Variants in NCALD observed in about 807,000 individuals in gnomAD.
NCALD encodes the protein neurocalcin delta.
In NCALD, 10 loss-of-function variants were observed where a neutral mutation model predicts 18.6. The observed-to-expected ratio is 0.54, with a 90% CI of 0.33 to 0.91. The LOEUF (loss-of-function observed/expected upper bound fraction) is 0.91. Ranked by LOEUF, NCALD falls within the 40% of genes least tolerant of loss-of-function variation. NCALD has a pLI of 0.03. For missense variants in NCALD, 184 were observed against 247.6 expected (o/e 0.74, Z 1.72); for synonymous variants, 88 against 87.4 (o/e 1.01, Z -0.04).
intron 1 of NCALD, among the ~76,000 whole-genome samples, chr8:102,043,083 G>A (rs546044878): frequency 6.6e-6 from 1 of 151,964 alleles, no homozygotes; most frequent in South Asian, 2.1e-4. Context: ...CTGCTCTGTC[G>A]ATGCATTAAG....
chr8:101,696,196 CCACTCACTCAGT>C (rs1333123878), intron 2 of NCALD, among the ~76,000 whole-genome samples: 1 of 152,190 alleles, frequency 6.6e-6, no homozygotes, highest in Non-Finnish European at 1.5e-5. Context: ...CTTCATCCAT[CCACTCACTCAGT>C]CATTCATCAA....
intron 2 of NCALD, among the ~76,000 whole-genome samples, chr8:101,969,838 C>A (rs754796098): frequency 5.3e-5 from 8 of 152,220 alleles, no homozygotes; most frequent in Non-Finnish European, 1.2e-4. Context: ...TACTTTACAA[C>A]TTTCAGCCTT....
chr8:101,852,617 T>C (rs1445653082), intron 4 of NCALD: 1 of 152,184 alleles, frequency 6.6e-6, no homozygotes, highest in Non-Finnish European at 1.5e-5. Context: ...GACTAAGAAA[T>C]GCATTTTGCA....
intron 2 of NCALD, among the ~76,000 whole-genome samples, chr8:101,957,446 T>G (rs1237436487): frequency 6.6e-6 from 1 of 151,896 alleles, no homozygotes; most frequent in Non-Finnish European, 1.5e-5. Context: ...TAACATGAAC[T>G]TAGCATCCTG....
intron 1 of NCALD, among the ~76,000 whole-genome samples, chr8:102,064,144 T>C (rs997388294): frequency 1.3e-5 from 2 of 152,204 alleles, no homozygotes; most frequent in African/African-American, 4.8e-5. Flanking sequence ...GCAACTGTGT[T>C]TGCCTTCAGG....
chr8:101,851,052 G>A (rs943168111), intron 4 of NCALD, among the ~76,000 whole-genome samples: 3 of 152,242 alleles, frequency 2.0e-5, no homozygotes, highest in Middle Eastern at 3.4e-3. Context: ...CCTTATCAAT[G>A]TTTCAACATG....
At chr8:101,715,409 A>G (rs1156475855) in intron 2 of NCALD, among the ~76,000 whole-genome samples, 3 of 152,222 alleles carry the variant, frequency 2.0e-5, no homozygotes, top group Admixed American at 6.5e-5. Context: ...CATTCAGGAC[A>G]TAGGCATGGG....
Position 102,024,899 on chromosome 8 carries a change from C to G in NCALD, c.-209-4610G>C, listed in dbSNP as rs569567068. 1.1e-4 allele frequency among the ~76,000 whole-genome samples: 17 copies of G among 152,324 alleles called. 1 individual carries two copies. The South Asian group carries it at 3.5e-3, about 32-fold the overall frequency. ...TCAACACAATGTCCTCCCTCACACC[C>G]CATATTCCAGCCTTGTCAAGTTGCT... is the stretch of plus-strand genomic sequence containing the variant. On this transcript the variant is annotated intron_variant, in intron 1 of 6. Transcript: ENST00000311028.
intron 3 of NCALD, among the ~76,000 whole-genome samples, chr8:101,905,484 T>C (rs375265072): frequency 6.6e-6 from 1 of 152,196 alleles, no homozygotes. Context: ...TTCTCTCAGA[T>C]ATGTCTTTCC....
At chr8:101,989,114 G>T (rs543457312) in intron 2 of NCALD, among the ~76,000 whole-genome samples, 1 of 152,200 alleles carries the variant, frequency 6.6e-6, no homozygotes, top group South Asian at 2.1e-4. Context: ...TGCTCTACTG[G>T]GACTGAACCT....
rs1586198374 is a variant in NCALD at position 101,686,962 on chromosome 8, AAGG to A, written c.*2344_*2346del. 1 of 152,444 alleles carries A rather than the reference AAGG, an allele frequency of 6.6e-6. No homozygotes were observed. Among genetic ancestry groups the A allele is most frequent in the African/African-American group, 2.4e-5 (1 of 41,358 alleles). 9.4% of individuals were successfully genotyped at this position (152,444 alleles called of 1,614,324 possible). ...TTCGACATACAAAGACCTTCCTGGGAAGGAGAAGGAGAAAAACAACCTCCGAGA... is the reference window on the plus strand; with the variant it reads ...TTCGACATACAAAGACCTTCCTGGGAAGAAGGAGAAAAACAACCTCCGAGA... On this transcript the variant is annotated 3_prime_UTR_variant, in exon 4 of 4. Coordinates refer to ENST00000220931, the MANE Select transcript of NCALD (RefSeq NM_032041.3).
chr8:101,917,181 A>T (rs1348393981), intron 2 of NCALD, among the ~76,000 whole-genome samples: 2 of 152,108 alleles, frequency 1.3e-5, no homozygotes, highest in African/African-American at 4.8e-5. Context: ...AATAGAAATA[A>T]ACTCCAAGAT....
At chr8:102,060,227 C>T (rs1352699961) in intron 1 of NCALD, among the ~76,000 whole-genome samples, 4 of 151,832 alleles carry the variant, frequency 2.6e-5, no homozygotes, top group Non-Finnish European at 5.9e-5. Context: ...GTGATCTGCC[C>T]GCCTTGGCCT....
chr8:102,056,400 G>C (rs1443889985), intron 1 of NCALD, among the ~76,000 whole-genome samples: 4 of 152,176 alleles, frequency 2.6e-5, no homozygotes, highest in African/African-American at 9.7e-5. Flanking sequence ...CTGCAAAATG[G>C]CGATAATATA....
chr8:101,852,843 T>C (rs1291218719), intron 4 of NCALD, among the ~76,000 whole-genome samples: 2 of 152,168 alleles, frequency 1.3e-5, no homozygotes, highest in Admixed American at 1.3e-4. Flanking sequence ...CCTAATGATG[T>C]TTGGTATTCC....
chr8:101,791,219 G>A (rs563212895), upstream of NCALD, among the ~76,000 whole-genome samples: 51 of 152,272 alleles, frequency 3.3e-4, no homozygotes, highest in African/African-American at 1.1e-3. Flanking sequence ...ACTCCAGAAT[G>A]CCTACAACTT....
chr8:101,983,947 T>C (rs1274341034), intron 2 of NCALD, among the ~76,000 whole-genome samples: 2 of 152,202 alleles, frequency 1.3e-5, no homozygotes, highest in African/African-American at 4.8e-5. Context: ...GCTTTCGTCA[T>C]CCTTTGTTAG....
intron 3 of NCALD, among the ~76,000 whole-genome samples, chr8:101,893,077 T>C (rs1816979106): frequency 6.6e-6 from 1 of 150,436 alleles, no homozygotes; most frequent in South Asian, 2.1e-4. Context: ...TCACCAAAGT[T>C]GAAATGAAGG....
intron 1 of NCALD, among the ~76,000 whole-genome samples, chr8:101,731,876 C>G (rs1287225364): frequency 2.0e-5 from 3 of 152,196 alleles, no homozygotes; most frequent in African/African-American, 4.8e-5. Flanking sequence ...ACTAAATGGT[C>G]ACATTCCAGG....
Sources: allele counts gnomAD v4.1 joint callset (sites outside exome capture counted in the v4.1 genomes callset), GRCh38; gene constraint gnomAD v4.1.1; transcripts MANE v1.5; gene names NCBI Gene and HGNC (gene_info 2026-07-23, HGNC 2026-07-21).